The following CAMTA1 variants were observed in gnomAD, a reference collection of about 807,000 sequenced individuals.
The protein encoded by CAMTA1 is calmodulin binding transcription activator 1, also known as calmodulin-binding transcription activator 1.
CAMTA1 carries 27 observed loss-of-function variants against 170.9 expected under a neutral mutation model. The observed-to-expected ratio is 0.16, with a 90% CI of 0.12 to 0.22. CAMTA1 has a LOEUF of 0.22. CAMTA1 is among the 10% of genes least tolerant of loss of function. The pLI is 1.00. For missense variants in CAMTA1, 1,619 were observed against 2,217.2 expected (o/e 0.73, Z 5.42); for synonymous variants, 833 against 891.5 (o/e 0.93, Z 1.17).
intron 3 of CAMTA1, among the ~76,000 whole-genome samples, chr1:6,881,715 C>A (rs1478735744): frequency 6.6e-6 from 1 of 152,172 alleles, no homozygotes; most frequent in Non-Finnish European, 1.5e-5. Flanking sequence ...CGTCTGTAAC[C>A]CCAGCACTTC....
chr1:7,230,106 G>A (rs1662450439), intron 4 of CAMTA1, among the ~76,000 whole-genome samples: 1 of 152,192 alleles, frequency 6.6e-6, no homozygotes, highest in South Asian at 2.1e-4. Flanking sequence ...CCGGTTCCTA[G>A]GGTGTCCCCC....
intron 3 of CAMTA1, among the ~76,000 whole-genome samples, chr1:6,831,838 A>T (rs529733343): frequency 6.6e-6 from 1 of 152,298 alleles, no homozygotes; most frequent in South Asian, 2.1e-4. Flanking sequence ...AAAAATGTCT[A>T]TGTAGAGAGC....
At chr1:7,187,134 G>A (rs1443819363) in intron 4 of CAMTA1, among the ~76,000 whole-genome samples, 1 of 152,130 alleles carries the variant, frequency 6.6e-6, no homozygotes, top group African/African-American at 2.4e-5. Flanking sequence ...GGGGCACAGG[G>A]CAGGGTGGGT....
At chr1:7,602,952 T>C (rs1006339523) in intron 6 of CAMTA1, among the ~76,000 whole-genome samples, 36 of 152,222 alleles carry the variant, frequency 2.4e-4, no homozygotes, top group African/African-American at 8.4e-4. Context: ...AGTTTCCATG[T>C]AGTTGAGTGG....
At chr1:7,660,295 G>C (rs991741304) in intron 7 of CAMTA1, among the ~76,000 whole-genome samples, 1 of 152,238 alleles carries the variant, frequency 6.6e-6, no homozygotes, top group African/African-American at 2.4e-5. Flanking sequence ...TCAAACTCCT[G>C]ACCTCAGGTG....
At chr1:7,500,167 AGT>A (rs1162797485) in intron 6 of CAMTA1, among the ~76,000 whole-genome samples, 1 of 128,642 alleles carries the variant, frequency 7.8e-6, no homozygotes, top group Non-Finnish European at 1.6e-5. Flanking sequence ...TGTGTACATG[AGT>A]GAGTGTGTAG....
rs1451861047 is a variant in CAMTA1, at chr1:7,561,058, G to T, written c.511-79342G>T. On this transcript the variant is annotated intron_variant, in intron 6 of 22. Coordinates refer to ENST00000303635, the MANE Select transcript of CAMTA1 (RefSeq NM_015215.4). This position sits in a 1 kb window ranked among gnomAD's most constrained non-coding sequence, Gnocchi z 5.3. ...TCTGCGCTCAGGCTCAGGGGGTGACGCTGGGCTGGGCGCTTCCCATGAGGC... is the reference window on the plus strand; with the variant it reads ...TCTGCGCTCAGGCTCAGGGGGTGACTCTGGGCTGGGCGCTTCCCATGAGGC... 6.6e-6 allele frequency among the ~76,000 whole-genome samples: 1 copy of T among 152,178 alleles called. No individual in the cohort carries two copies. Among genetic ancestry groups the T allele is most frequent in the Non-Finnish European group, 1.5e-5 (1 of 68,018 alleles).
rs72641247 is a variant in CAMTA1 at position 7,239,502 on chromosome 1, C to T, written c.303-9989C>T. Among the ~76,000 whole-genome samples the T allele has an allele frequency of 2.2e-3, 338 of 152,156 alleles. 1 individual carries two copies. The highest frequency in any genetic ancestry group is 0.02 in the Middle Eastern group (6 of 294). On this transcript the variant is annotated intron_variant, in intron 4 of 22. Coordinates refer to ENST00000303635, the MANE Select transcript of CAMTA1 (RefSeq NM_015215.4). Reference sequence around the variant, plus strand: ...GTTAAAGAAGCCAAGTCATTTGCCCCGTAGAGTCTTCCATAGTCTGGATTT... The same window carrying T: ...GTTAAAGAAGCCAAGTCATTTGCCCTGTAGAGTCTTCCATAGTCTGGATTT...
intron 6 of CAMTA1, among the ~76,000 whole-genome samples, chr1:7,546,654 C>T (rs754537122): frequency 7.9e-5 from 12 of 152,206 alleles, no homozygotes; most frequent in South Asian, 4.1e-4. Flanking sequence ...TCTGCAACAT[C>T]GCCAGCATCT....
At chr1:7,504,206 G>T (rs1204451234) in intron 6 of CAMTA1, among the ~76,000 whole-genome samples, 1 of 152,198 alleles carries the variant, frequency 6.6e-6, no homozygotes, top group South Asian at 2.1e-4. Flanking sequence ...CAGCCTCCCG[G>T]GTCCTGCCAG....
chr1:7,062,797 C>T (rs991105678), intron 3 of CAMTA1, among the ~76,000 whole-genome samples: 4 of 152,234 alleles, frequency 2.6e-5, no homozygotes, highest in African/African-American at 9.6e-5. Context: ...GGGCTCCAGG[C>T]GGATCCTTCC....
intron 5 of CAMTA1, among the ~76,000 whole-genome samples, chr1:7,301,752 G>C (rs1350705729): frequency 6.6e-6 from 1 of 152,178 alleles, no homozygotes; most frequent in Non-Finnish European, 1.5e-5. Flanking sequence ...CTGCAGAGAT[G>C]CTTTTCTCTC....
At chr1:7,461,370 C>A (rs2093084305) in intron 5 of CAMTA1, among the ~76,000 whole-genome samples, 1 of 152,228 alleles carries the variant, frequency 6.6e-6, no homozygotes, top group African/African-American at 2.4e-5. Context: ...TGTTCTCTAG[C>A]GTGGGAGCAT....
intron 5 of CAMTA1, among the ~76,000 whole-genome samples, chr1:7,363,639 G>T (rs1239227191): frequency 6.6e-6 from 1 of 152,136 alleles, no homozygotes; most frequent in Non-Finnish European, 1.5e-5. Context: ...ACCCTCAGAA[G>T]GATTTAAGCC....
At chr1:6,969,109 C>T (rs1366146039) in intron 3 of CAMTA1, among the ~76,000 whole-genome samples, 1 of 152,176 alleles carries the variant, frequency 6.6e-6, no homozygotes, top group Non-Finnish European at 1.5e-5. Flanking sequence ...AGCTGAGATA[C>T]ATAGGGGTCC....
At chr1:7,465,107 G>T (rs765893398) in intron 5 of CAMTA1, among the ~76,000 whole-genome samples, 1 of 152,210 alleles carries the variant, frequency 6.6e-6, no homozygotes, top group East Asian at 1.9e-4. Context: ...TTAGCGTTCA[G>T]GGTGCCACGG....
chr1:6,994,883 G>C (rs1053772215), intron 3 of CAMTA1, among the ~76,000 whole-genome samples: 1 of 152,084 alleles, frequency 6.6e-6, no homozygotes, highest in Non-Finnish European at 1.5e-5. Context: ...GGTCAGGCTG[G>C]TCTAAAACTC....
intron 5 of CAMTA1, among the ~76,000 whole-genome samples, chr1:7,281,799 TTGTGTGTGTGTGTGTGTGTGTGTGTG>T (rs57489369): frequency 3.1e-4 from 43 of 139,310 alleles, no homozygotes; most frequent in African/African-American, 1.1e-3. Context: ...GGGAAAGAAA[TTGTGTGTGTGTGTGTGTGTGTGTGTG>T]TGTGTGTGTG....
intron 3 of CAMTA1, among the ~76,000 whole-genome samples, chr1:7,047,851 C>T (rs1453347574): frequency 6.6e-6 from 1 of 152,134 alleles, no homozygotes; most frequent in Non-Finnish European, 1.5e-5. Flanking sequence ...GTCATCCACC[C>T]AGGCTGAATG....
Sources: allele counts gnomAD v4.1 joint callset (sites outside exome capture counted in the v4.1 genomes callset), GRCh38; gene constraint gnomAD v4.1.1; non-coding constraint Gnocchi (gnomAD v3.1); transcripts MANE v1.5; gene names NCBI Gene and HGNC (gene_info 2026-07-23, HGNC 2026-07-21).